Variants in FRMPD2 observed in about 807,000 individuals in gnomAD.
FRMPD2 encodes FERM and PDZ domain containing 2.
Under a neutral mutation model 140.1 loss-of-function variants are expected in FRMPD2, and 96 were observed. That is an observed-to-expected ratio of 0.69 (90% CI 0.58 to 0.81). FRMPD2 has a LOEUF of 0.81. FRMPD2 is among the 40% of genes least tolerant of loss of function. The probability of loss-of-function intolerance (pLI) is 0.00; values close to 1 mark genes in which losing one functional copy is unlikely to be tolerated. For synonymous variants in FRMPD2, 449 were observed against 547.6 expected, an observed-to-expected ratio of 0.82 and a Z score of 2.52; for missense variants, 1,240 against 1,447.4, an observed-to-expected ratio of 0.86 and a Z score of 2.32.
rs536850528 is a variant in FRMPD2 at position 48,259,199 on chromosome 10, TA to T, written c.26-7509del. 1.5e-3 allele frequency among the ~76,000 whole-genome samples: 228 copies of T among 152,326 alleles called. 3 individuals carry two copies. The highest frequency in any genetic ancestry group is 2.4e-3 in the Admixed American group (37 of 15,298). ...AATTATACTTGATGATAATTACTTC[TA>T]AGGAGAGTAGCCCTTTACAGCTTAC... On this transcript the variant is annotated intron_variant, in intron 1 of 28. Coordinates refer to ENST00000374201, the MANE Select transcript of FRMPD2 (RefSeq NM_001018071.4).
At chr10:48,235,587 A>C (rs1307195861) in intron 9 of FRMPD2, among the ~76,000 whole-genome samples, 1 of 152,140 alleles carries the variant, frequency 6.6e-6, no homozygotes, top group Non-Finnish European at 1.5e-5. Context: ...GGAGCCTGGG[A>C]GGGGAGAGCC....
At chr10:48,171,547 C>A (rs1178163170) in intron 25 of FRMPD2, among the ~76,000 whole-genome samples, 1 of 152,282 alleles carries the variant, frequency 6.6e-6, no homozygotes, top group East Asian at 1.9e-4. Flanking sequence ...AATTTAATCC[C>A]ATATATCTAA....
intron 13 of FRMPD2, among the ~76,000 whole-genome samples, chr10:48,208,011 T>C (rs964201150): frequency 1.3e-5 from 2 of 152,154 alleles, no homozygotes; most frequent in African/African-American, 4.8e-5. Context: ...CTAAGCCTCC[T>C]TCGTTTAACT....
Position 48,185,544 on chromosome 10 carries a change from C to T in FRMPD2, c.2359+9G>A, listed in dbSNP as rs766774209. 1 of 1,605,540 alleles carries T rather than the reference C, an allele frequency of 6.2e-7. No individual in the cohort carries two copies. The highest frequency in any genetic ancestry group is 8.5e-7 in the Non-Finnish European group (1 of 1,172,210). Reference sequence around the variant, plus strand: ...GAGACTGGGCCTCACCTACAGGGAGCCCTCTTACCAAAACCACGATGTGGG... The same window carrying T: ...GAGACTGGGCCTCACCTACAGGGAGTCCTCTTACCAAAACCACGATGTGGG... On this transcript the variant is annotated intron_variant, in intron 18 of 28. Transcript: ENST00000374201.
At chr10:48,253,981 G>A (rs947330187) in intron 1 of FRMPD2, among the ~76,000 whole-genome samples, 35 of 151,978 alleles carry the variant, frequency 2.3e-4, no homozygotes, top group African/African-American at 7.5e-4. Flanking sequence ...GTTATTGGAC[G>A]TGTCAGGATC....
rs1291132587 is a variant in FRMPD2, at chr10:48,232,141, G to A, written c.1142C>T (p.Thr381Ile). The A allele has an allele frequency of 6.2e-7, 1 of 1,614,182 alleles. No individual in the cohort carries two copies. The highest frequency in any genetic ancestry group is 1.7e-5 in the Admixed American group (1 of 60,018). ...TTTCATATACGCCAAGCCAAAGTAGGTGAGTTCCTCGAGGTTGGCAAAGGA... is the reference window on the plus strand; with the variant it reads ...TTTCATATACGCCAAGCCAAAGTAGATGAGTTCCTCGAGGTTGGCAAAGGA... ...VTSFANLEEL[T>I]YFGLAYMKSK... The change falls in exon 10 of 29, where the codon ACC becomes ATC. Residue 381 changes from threonine to isoleucine, a missense_variant. Thr to Ile is a moderately conservative substitution (Grantham distance 89). Around this residue, in one of 6 missense-constraint regions of FRMPD2, gnomAD observed 1,161 missense variants for 1,055.9 expected, o/e 1.10. Transcript: ENST00000374201.
Position 48,248,731 on chromosome 10 carries a change from GC to G in FRMPD2, c.309+289del, listed in dbSNP as rs1170622414. Reference sequence around the variant, plus strand: ...CAATGTGCCAGACCACTTAACCACAGCTTTTCAACACTTCTTTTTGAATATT... The same window carrying G: ...CAATGTGCCAGACCACTTAACCACAGTTTTCAACACTTCTTTTTGAATATT... On this transcript the variant is annotated intron_variant, in intron 3 of 28. Transcript: ENST00000374201. 8.1e-5 allele frequency: 17 copies of G among 210,626 alleles called. No homozygotes were observed. The East Asian group carries it at 1.7e-3, about 21-fold the overall frequency. The allele number at this position is 210,626 out of a possible 1,614,324, so 13.0% of individuals were successfully genotyped here.
At chr10:48,257,059 A>G (rs1057206310) in intron 1 of FRMPD2, among the ~76,000 whole-genome samples, 19 of 152,044 alleles carry the variant, frequency 1.2e-4, no homozygotes, top group African/African-American at 4.3e-4. Flanking sequence ...CTGACGGAGA[A>G]TCCTTCCCAG....
chr10:48,211,382 G>C (rs533207993), intron 13 of FRMPD2, among the ~76,000 whole-genome samples: 1 of 152,354 alleles, frequency 6.6e-6, no homozygotes, highest in South Asian at 2.1e-4. Context: ...TTAGGGTCTT[G>C]TGATGGCTTT....
In FRMPD2 at chr10:48,232,213, T is replaced by G; in HGVS notation, c.1070A>C (p.Lys357Thr). 6.2e-7 allele frequency: 1 copy of G among 1,614,154 alleles called. No individual in the cohort carries two copies. Among genetic ancestry groups the G allele is most frequent in the Non-Finnish European group, 8.5e-7 (1 of 1,180,030 alleles). ...VLLNGQHLEV[K>T]CDVESTVGAV... ...TCCCACTGTTGATTCAACATCACATTTTACCTCCAGGTGCTGCCCGTTCAG... is the reference window on the plus strand; with the variant it reads ...TCCCACTGTTGATTCAACATCACATGTTACCTCCAGGTGCTGCCCGTTCAG... The change falls in exon 10 of 29, where the codon AAA becomes ACA. Residue 357 changes from lysine (K) to threonine (T), a missense_variant. By Grantham distance (78) the Lys-to-Thr change is moderately conservative. Coordinates refer to ENST00000374201, the MANE Select transcript of FRMPD2 (RefSeq NM_001018071.4).
At chr10:48,272,347 T>C (rs1232881118) in intron 1 of FRMPD2, among the ~76,000 whole-genome samples, 6 of 152,234 alleles carry the variant, frequency 3.9e-5, no homozygotes, top group African/African-American at 1.2e-4. Flanking sequence ...TCCAGAAATT[T>C]TGTAAGCTGG....
chr10:48,174,767 G>A, intron 24 of FRMPD2, 103 bp downstream of exon 24: 1 of 985,032 alleles, frequency 1.0e-6, no homozygotes, highest in Non-Finnish European at 1.6e-6. Flanking sequence ...AAAAAGTCTT[G>A]TTTCTTGCCT....
intron 2 of FRMPD2, among the ~76,000 whole-genome samples, chr10:48,249,626 C>A (rs1043638835): frequency 1.3e-5 from 2 of 152,194 alleles, no homozygotes; most frequent in Non-Finnish European, 2.9e-5. Flanking sequence ...TGCTGGGACC[C>A]ATCGCCCTCA....
intron 12 of FRMPD2, among the ~76,000 whole-genome samples, chr10:48,219,332 T>G (rs1168137953): frequency 3.9e-5 from 6 of 152,048 alleles, no homozygotes; most frequent in African/African-American, 1.5e-4. Flanking sequence ...GCACCCAGCT[T>G]TTGTCACATG....
intron 25 of FRMPD2, among the ~76,000 whole-genome samples, chr10:48,172,466 G>A (rs1299177654): frequency 6.6e-6 from 1 of 152,198 alleles, no homozygotes; most frequent in Non-Finnish European, 1.5e-5. Context: ...ATCGGAAAAC[G>A]TGCAGTTTTG....
intron 28 of FRMPD2, among the ~76,000 whole-genome samples, chr10:48,159,414 C>A (rs2132382165): frequency 6.6e-6 from 1 of 151,540 alleles, no homozygotes; most frequent in Middle Eastern, 3.4e-3. Flanking sequence ...GAGAATCCTG[C>A]TAGAGGCAGC....
At chr10:48,228,593 T>C (rs1839778387) in intron 10 of FRMPD2, among the ~76,000 whole-genome samples, 1 of 151,968 alleles carries the variant, frequency 6.6e-6, no homozygotes, top group Non-Finnish European at 1.5e-5. Flanking sequence ...TGTTATAAAA[T>C]AATGTTTTCA....
intron 15 of FRMPD2, 47 bp from the exon 16 acceptor site, chr10:48,192,941 T>C: frequency 7.1e-7 from 1 of 1,401,406 alleles, no homozygotes; most frequent in Non-Finnish European, 1.0e-6. Flanking sequence ...ACAAGAATGA[T>C]GCTGGATCCA....
At chr10:48,205,613 A>G (rs1235595340) in intron 14 of FRMPD2, among the ~76,000 whole-genome samples, 1 of 152,208 alleles carries the variant, frequency 6.6e-6, no homozygotes, top group East Asian at 1.9e-4. Context: ...AGTTAATGTA[A>G]TTTGAGTAAT....
Sources: gnomAD v4.1 joint callset for allele counts (sites outside exome capture counted in the v4.1 genomes callset) on GRCh38, gnomAD v4.1.1 for gene constraint, gnomAD v4.1.1 regional missense constraint, MANE v1.5 for transcripts, NCBI Gene and HGNC (gene_info 2026-07-23, HGNC 2026-07-21) for gene names.